CSMD3: variants seen among roughly 807,000 people sequenced by gnomAD.
The protein encoded by CSMD3 is CUB and sushi domain-containing protein 3.
CSMD3 carries 177 observed loss-of-function variants against 435.2 expected under a neutral mutation model. The ratio of observed to expected loss-of-function variants is 0.41; its 90% CI spans 0.36 to 0.46. CSMD3 has a LOEUF of 0.46. Ranked by LOEUF, CSMD3 falls within the 20% of genes least tolerant of loss-of-function variation. The pLI is 0.34. For synonymous variants in CSMD3, 1,656 were observed against 1,520.5 expected (o/e 1.09, Z -2.07); for missense variants, 4,265 against 4,504.6 (o/e 0.95, Z 1.52).
At chr8:112,756,750 T>TA (rs893056208) in intron 13 of CSMD3, among the ~76,000 whole-genome samples, 2 of 149,972 alleles carry the variant, frequency 1.3e-5, no homozygotes, top group East Asian at 2.0e-4. Flanking sequence ...CTCCCTCCTT[T>TA]AAAAAAAATT....
At chr8:112,889,946 A>T (rs577145479) in intron 10 of CSMD3, among the ~76,000 whole-genome samples, 1 of 151,764 alleles carries the variant, frequency 6.6e-6, no homozygotes, top group East Asian at 2.0e-4. Context: ...CCTGACAAAC[A>T]GCCAGATCAT....
At chr8:112,886,213 C>A (rs972843762) in intron 10 of CSMD3, among the ~76,000 whole-genome samples, 2 of 151,248 alleles carry the variant, frequency 1.3e-5, no homozygotes, top group Non-Finnish European at 3.0e-5. Context: ...ACTCTGAAAC[C>A]AAATTGCTTA....
chr8:112,536,821 A>G (rs1022624090), intron 27 of CSMD3, among the ~76,000 whole-genome samples: 7 of 151,936 alleles, frequency 4.6e-5, no homozygotes, highest in African/African-American at 1.7e-4. Context: ...CATATACACC[A>G]TGGAATACTA....
At chr8:112,484,499 A>ACT (rs896958779) in intron 31 of CSMD3, among the ~76,000 whole-genome samples, 10 of 151,866 alleles carry the variant, frequency 6.6e-5, no homozygotes, top group African/African-American at 2.2e-4. Context: ...ACACCCACAC[A>ACT]CACACACACA....
At chr8:112,321,617 C>A (rs1823002542) in intron 45 of CSMD3, among the ~76,000 whole-genome samples, 1 of 151,958 alleles carries the variant, frequency 6.6e-6, no homozygotes, top group African/African-American at 2.4e-5. Flanking sequence ...TTACTAAGGA[C>A]AAAGAAAAGA....
At chr8:113,313,037 A>T (rs906324274) in intron 2 of CSMD3, 9 of 152,236 alleles carry the variant, frequency 5.9e-5, no homozygotes, top group Non-Finnish European at 1.3e-4. Flanking sequence ...TTTAAGTGTC[A>T]TCTGACTGGA....
chr8:112,483,922 A>G (rs1262796224), intron 31 of CSMD3, among the ~76,000 whole-genome samples: 1 of 152,162 alleles, frequency 6.6e-6, no homozygotes, highest in African/African-American at 2.4e-5. Flanking sequence ...AGAGTACTCC[A>G]TCCCAAAGAG....
intron 68 of CSMD3, among the ~76,000 whole-genome samples, chr8:112,232,783 A>C (rs921377591): frequency 2.6e-5 from 4 of 152,162 alleles, no homozygotes; most frequent in African/African-American, 9.7e-5. Context: ...CTTATTTGAG[A>C]ATCACAGCTT....
At chr8:113,365,263 A>G (rs1469109491) in intron 1 of CSMD3, among the ~76,000 whole-genome samples, 1 of 152,140 alleles carries the variant, frequency 6.6e-6, no homozygotes, top group Admixed American at 6.6e-5. Flanking sequence ...AAGGATTCAA[A>G]AGCATCAGAT....
intron 1 of CSMD3, among the ~76,000 whole-genome samples, chr8:113,360,432 T>C (rs1273273749): frequency 6.6e-6 from 1 of 152,168 alleles, no homozygotes; most frequent in Admixed American, 6.5e-5. Context: ...ATTTATTTTG[T>C]TTATCTCATA....
chr8:113,089,831 T>C (rs1240897914), intron 5 of CSMD3, among the ~76,000 whole-genome samples: 4 of 152,080 alleles, frequency 2.6e-5, no homozygotes, highest in Admixed American at 2.0e-4. Flanking sequence ...AGGTCTGATA[T>C]CCTACTGTTC....
At chr8:112,998,098 A>C in intron 6 of CSMD3, among the ~76,000 whole-genome samples, 1 of 151,660 alleles carries the variant, frequency 6.6e-6, no homozygotes, top group Non-Finnish European at 1.5e-5. Flanking sequence ...ACATAATTTT[A>C]TTTTTTATGT....
At chr8:112,410,813 A>G (rs1051792183) in intron 32 of CSMD3, among the ~76,000 whole-genome samples, 1 of 148,936 alleles carries the variant, frequency 6.7e-6, no homozygotes, top group African/African-American at 2.4e-5. Context: ...TCTATTATAT[A>G]AAGCAGATTG....
chr8:113,101,861 A>G (rs1001779263), intron 4 of CSMD3, among the ~76,000 whole-genome samples: 3 of 152,086 alleles, frequency 2.0e-5, no homozygotes, highest in Admixed American at 6.6e-5. Flanking sequence ...TAAATGTTAG[A>G]TTAAAAAAAA....
chr8:112,808,480 A>G (rs1264051873), intron 12 of CSMD3, among the ~76,000 whole-genome samples: 1 of 152,078 alleles, frequency 6.6e-6, no homozygotes, highest in Non-Finnish European at 1.5e-5. Context: ...AACTTGTGCA[A>G]GCTGACTCCC....
intron 22 of CSMD3, among the ~76,000 whole-genome samples, chr8:112,633,717 C>T (rs2074579067): frequency 6.6e-6 from 1 of 151,976 alleles, no homozygotes; most frequent in Non-Finnish European, 1.5e-5. Flanking sequence ...AACCTGTACA[C>T]TAAATATTGA....
intron 47 of CSMD3, among the ~76,000 whole-genome samples, chr8:112,316,290 T>G (rs1413009780): frequency 4.0e-5 from 6 of 151,744 alleles, no homozygotes; most frequent in Non-Finnish European, 5.9e-5. Flanking sequence ...ATTTTGAGAT[T>G]AAAAATATTG....
intron 8 of CSMD3, among the ~76,000 whole-genome samples, chr8:112,948,680 A>T (rs117610279): frequency 0.012 from 1,823 of 151,918 alleles, 16 homozygotes; most frequent in Non-Finnish European, 0.019. Context: ...GATAAATTCT[A>T]TTATTTTACT....
intron 3 of CSMD3, among the ~76,000 whole-genome samples, chr8:113,262,615 T>C (rs1225591461): frequency 1.3e-5 from 2 of 152,092 alleles, no homozygotes; most frequent in Admixed American, 6.6e-5. Flanking sequence ...TATAGAGATA[T>C]ATTCCTGCTC....
Sources: gnomAD v4.1 joint callset for allele counts (sites outside exome capture counted in the v4.1 genomes callset) on GRCh38, gnomAD v4.1.1 for gene constraint, MANE v1.5 for transcripts, NCBI Gene and HGNC (gene_info 2026-07-23, HGNC 2026-07-21) for gene names.